The following RHBG variants were observed in gnomAD, a reference collection of about 807,000 sequenced individuals.
RHBG encodes ammonium transporter Rh type B.
Under a neutral mutation model 40.1 loss-of-function variants are expected in RHBG, and 39 were observed. The observed-to-expected ratio is 0.97, with a 90% confidence interval of 0.75 to 1.27. The LOEUF is 1.27. RHBG is among the 50% of genes most tolerant of loss of function. The probability of loss-of-function intolerance (pLI) is 0.00; values close to 1 mark genes in which losing one functional copy is unlikely to be tolerated. For synonymous variants in RHBG, 237 were observed against 252.5 expected, an observed-to-expected ratio of 0.94 and a Z score of 0.58; for missense variants, 549 against 588.1, an observed-to-expected ratio of 0.93 and a Z score of 0.69.
intron 4 of RHBG, among the ~76,000 whole-genome samples, chr1:156,378,733 C>T (rs1403061279): frequency 6.6e-6 from 1 of 152,196 alleles, no homozygotes; most frequent in African/African-American, 2.4e-5. Flanking sequence ...TCCTCGCTGG[C>T]TCAGGCTCCA....
At chr1:156,371,375 G>A (rs1666853289) in intron 1 of RHBG, 1 of 306,856 alleles carries the variant, frequency 3.3e-6, no homozygotes, top group East Asian at 1.2e-4. Flanking sequence ...GGCCAGGCTG[G>A]TCTTGAATTC....
chr1:156,378,527 T>C lies in RHBG; in HGVS notation c.673+128T>C, dbSNP rs1667394169. The stretch of plus-strand genomic sequence containing the variant: ...TGTGGGCATTCACTTCCCATTTGGA[T>C]TCTGCTGTGAGAGCTCTGGGACCTG... On this transcript the variant is annotated intron_variant, in intron 4 of 9. Transcript: ENST00000537040. 7 of 1,162,160 alleles carry C rather than the reference T, an allele frequency of 6.0e-6. No individual in the cohort carries two copies. In the South Asian group the frequency reaches 1.1e-4, roughly 18 times the overall value. 72.0% of individuals were successfully genotyped at this position (1,162,160 alleles called of 1,614,324 possible).
At position 156,377,182 on chromosome 1, in the gene RHBG, G is replaced by C; in HGVS notation, c.188-119G>C. The C allele has an allele frequency of 8.6e-7, 1 of 1,162,300 alleles. No individual in the cohort carries two copies. 72.0% of individuals were successfully genotyped at this position (1,162,300 alleles called of 1,614,324 possible). A position where few individuals can be genotyped will look rare whatever the true frequency, so the allele number is the denominator to read the frequency against. ...CTGACATGCCTGGGGAGTTTTATAG[G>C]CTCGGCTCAAGGCAGCCCTGGCTGG... On this transcript the variant is annotated intron_variant, in intron 1 of 9. Transcript: ENST00000537040. The surrounding 1 kb of genome is among the most constrained non-coding windows in gnomAD (Gnocchi z 4.6).
chr1:156,382,900 G>A, intron 8 of RHBG, 31 bp downstream of exon 8: 1 of 1,613,972 alleles, frequency 6.2e-7, no homozygotes, highest in Non-Finnish European at 8.5e-7. Context: ...TAGAGGAAGG[G>A]GCATGGGATC....
chr1:156,381,980 G>A, intron 6 of RHBG, 37 bp downstream of exon 6: 1 of 1,610,132 alleles, frequency 6.2e-7, no homozygotes, highest in Non-Finnish European at 8.5e-7. Flanking sequence ...AGAACATGGA[G>A]TCTTTGGTAC....
At position 156,378,264 on chromosome 1, in the gene RHBG, G is replaced by A. The variant is rs757399683; in HGVS notation, c.538G>A (p.Gly180Arg). 1.1e-5 allele frequency: 18 copies of A among 1,613,808 alleles called. No individual in the cohort carries two copies. Among genetic ancestry groups the A allele is most frequent in the East Asian group, 2.2e-5 (1 of 44,878 alleles). ...CCCACCTCCCCAGGTGAGAGATGCCGGAGGCTCCATGACTATCCACACCTT... is the reference window on the plus strand; with the variant it reads ...CCCACCTCCCCAGGTGAGAGATGCCAGAGGCTCCATGACTATCCACACCTT... ...LLHLLGVRDA[G>R]GSMTIHTFGA... The change falls in exon 4 of 10, where the codon GGA (glycine) becomes AGA (arginine). Residue 180 changes from glycine to arginine, a missense_variant. Coordinates refer to ENST00000537040, the MANE Select transcript of RHBG (RefSeq NM_020407.5).
At chr1:156,369,746 G>C (rs543545001) in intron 1 of RHBG, among the ~76,000 whole-genome samples, 1 of 152,190 alleles carries the variant, frequency 6.6e-6, no homozygotes, top group Admixed American at 6.5e-5. Context: ...TTGGAAGCCA[G>C]ATCTAGAGCC....
intron 4 of RHBG, 65 bp from the exon 5 acceptor site, chr1:156,381,282 A>G (rs1016478276): frequency 5.8e-6 from 9 of 1,550,302 alleles, no homozygotes; most frequent in African/African-American, 5.4e-5. Context: ...CTGCAGTTAT[A>G]CAACTTGTAC....
chr1:156,379,607 G>C (rs1417008927), intron 4 of RHBG, among the ~76,000 whole-genome samples: 1 of 152,104 alleles, frequency 6.6e-6, no homozygotes, highest in Non-Finnish European at 1.5e-5. Context: ...ATTCTCAGCT[G>C]TCTGCCTCCC....
Position 156,377,018 on chromosome 1 carries a change from G to A in RHBG, c.188-283G>A, listed in dbSNP as rs1667249320. Among the ~76,000 whole-genome samples, 1 of 152,212 alleles carries A rather than the reference G, an allele frequency of 6.6e-6. No homozygotes were observed. Among genetic ancestry groups the A allele is most frequent in the African/African-American group, 2.4e-5 (1 of 41,448 alleles). ...AGGTTGGACTTCCAGCCAGTCTGTTGTAAGAGACCCAGGGATGGGGCAAAT... is the reference window on the plus strand; with the variant it reads ...AGGTTGGACTTCCAGCCAGTCTGTTATAAGAGACCCAGGGATGGGGCAAAT... On this transcript the variant is annotated intron_variant, in intron 1 of 9. Transcript: ENST00000537040. The surrounding 1 kb of genome is among the most constrained non-coding windows in gnomAD (Gnocchi z 4.6).
rs1667673461 is a variant in RHBG at position 156,381,944 on chromosome 1, G to A, written c.978+1G>A. The stretch of plus-strand genomic sequence containing the variant: ...CACGCTGGGGTACAAGTTCTTCACG[G>A]TATAGATGCCTCTTGGAGCCTGGGC... On this transcript the variant is annotated splice_donor_variant, in intron 6 of 9. Coordinates refer to ENST00000537040, the MANE Select transcript of RHBG (RefSeq NM_020407.5). LOFTEE classifies it high-confidence loss of function. 1 of 1,611,270 alleles carries A rather than the reference G, an allele frequency of 6.2e-7. No homozygotes were observed. Among genetic ancestry groups the A allele is most frequent in the Non-Finnish European group, 8.5e-7 (1 of 1,179,438 alleles).
rs1667657531 is a variant in RHBG at position 156,381,807 on chromosome 1, T to A, written c.842T>A (p.Val281Asp). The A allele has an allele frequency of 3.8e-6, 6 of 1,583,314 alleles. No individual in the cohort carries two copies. The highest frequency in any genetic ancestry group is 5.1e-6 in the Non-Finnish European group (6 of 1,172,152). Residue 281 changes from valine (V) to aspartate (D), a missense_variant and splice_region_variant, in exon 6 of 10, where the codon GTC becomes GAC. Around this residue, in one of 3 missense-constraint regions of RHBG, gnomAD observed 399 missense variants for 417.0 expected, o/e 0.96. Transcript: ENST00000537040. ...TCCAACACCTTGCTCTTCCCTTAGG[T>A]CCACATCCAAAATGCAGCGCTGGCT... ...LVGEDGRLDM[V>D]HIQNAALAGG... is the part of the protein sequence containing the mutation.
rs759694688 is a variant in RHBG, at chr1:156,381,512, T to G, written c.839T>G (p.Met280Arg). The change falls in exon 5 of 10, where the codon ATG becomes AGG. Residue 280 changes from methionine to arginine, a missense_variant and splice_region_variant. By Grantham distance (91) the Met-to-Arg change is moderately conservative (BLOSUM62 -1). Around this residue, in one of 3 missense-constraint regions of RHBG, gnomAD observed 399 missense variants for 417.0 expected, o/e 0.96. Transcript: ENST00000537040. ...ALVGEDGRLD[M>R]VHIQNAALAG... ...GTAGGGGAAGATGGGAGGCTTGACATGGTATGGGGAAGAGGACTTCAGAGA... is the reference window on the plus strand; with the variant it reads ...GTAGGGGAAGATGGGAGGCTTGACAGGGTATGGGGAAGAGGACTTCAGAGA... 6.2e-7 allele frequency: 1 copy of G among 1,607,348 alleles called. No individual in the cohort carries two copies. Among genetic ancestry groups the G allele is most frequent in the Non-Finnish European group, 8.5e-7 (1 of 1,176,310 alleles).
chr1:156,371,475 C>T, intron 1 of RHBG: 2 of 239,708 alleles, frequency 8.3e-6, no homozygotes, highest in Non-Finnish European at 1.7e-5. Flanking sequence ...ACCCTACTTT[C>T]TGTATGCAGA....
In RHBG at chr1:156,384,840, G is replaced by T. The variant is rs1049083891; in HGVS notation, c.1372G>T (p.Ala458Ser). The stretch of plus-strand genomic sequence containing the variant: ...GAGGGTGGAGGAGGCAGACACTCAG[G>T]CCTAACCCACTGCCAGCCCCTGAGA... Reference protein sequence around the residue: ...PLRVEEADTQA With the variant: ...PLRVEEADTQS The change falls in exon 10 of 10, where the codon GCC (alanine) becomes TCC (serine). Residue 458 changes from alanine (A) to serine (S), a missense_variant. Around this residue, in one of 3 missense-constraint regions of RHBG, gnomAD observed 399 missense variants for 417.0 expected, o/e 0.96. Transcript: ENST00000537040. The T allele has an allele frequency of 6.2e-7, 1 of 1,608,506 alleles. No homozygotes were observed. Among genetic ancestry groups the T allele is most frequent in the Non-Finnish European group, 8.5e-7 (1 of 1,175,656 alleles).
chr1:156,371,462 A>G, intron 1 of RHBG: 1 of 248,062 alleles, frequency 4.0e-6, no homozygotes, highest in South Asian at 4.1e-5. Context: ...ACCTGGCCCT[A>G]TTACCCTACT....
At chr1:156,374,169 T>G (rs977687322) in intron 1 of RHBG, among the ~76,000 whole-genome samples, 1 of 152,130 alleles carries the variant, frequency 6.6e-6, no homozygotes, top group Non-Finnish European at 1.5e-5. Context: ...TATTGCGAAC[T>G]GTGCATGTGA....
At chr1:156,382,648 G>A in intron 7 of RHBG, 100 bp from the exon 8 acceptor site, 1 of 1,454,674 alleles carries the variant, frequency 6.9e-7, no homozygotes, top group South Asian at 1.2e-5. Context: ...GCCACTTCCT[G>A]TTCCCCAGTG....
rs746768095 is a variant in RHBG, at chr1:156,381,479, C to G, written c.806C>G (p.Ser269Ter). ...AASTLGTFAL[S>*]ALVGEDGRLD... ...AGCACCCTTGGCACCTTTGCCTTGT[C>G]AGCCCTTGTAGGGGAAGATGGGAGG... The change falls in exon 5 of 10, where the codon TCA (serine) becomes TGA (stop). Residue 269 changes from serine (S) to a stop codon, truncating the protein, a stop_gained. Transcript: ENST00000537040. LOFTEE classifies it high-confidence loss of function. The G allele has an allele frequency of 1.7e-5, 27 of 1,613,494 alleles. No individual in the cohort carries two copies. Among genetic ancestry groups the G allele is most frequent in the Non-Finnish European group, 2.3e-5 (27 of 1,179,596 alleles).
Sources: gnomAD v4.1 joint callset for allele counts (sites outside exome capture counted in the v4.1 genomes callset) on GRCh38, gnomAD v4.1.1 for gene constraint, gnomAD v4.1.1 regional missense constraint, Gnocchi (gnomAD v3.1) non-coding constraint, MANE v1.5 for transcripts, NCBI Gene and HGNC (gene_info 2026-07-23, HGNC 2026-07-21) for gene names.